The following IGSF21 variants were observed in gnomAD, a reference collection of about 807,000 sequenced individuals.
IGSF21 encodes immunoglobulin superfamily member 21.
A neutral mutation model predicts 46.8 loss-of-function variants in IGSF21; 28 were observed. The ratio of observed to expected loss-of-function variants is 0.60; its 90% CI spans 0.44 to 0.82. The LOEUF is 0.82. Among genes scored for constraint, IGSF21 ranks in the 40% least tolerant of loss-of-function variants. The pLI is 0.00. For missense variants in IGSF21, 624 were observed against 665.5 expected, an observed-to-expected ratio of 0.94 and a Z score of 0.69; for synonymous variants, 284 against 273.6, an observed-to-expected ratio of 1.04 and a Z score of -0.38.
chr1:18,199,837 C>A (rs1440255691), intron 1 of IGSF21, among the ~76,000 whole-genome samples: 1 of 152,218 alleles, frequency 6.6e-6, no homozygotes, highest in Non-Finnish European at 1.5e-5. Flanking sequence ...CCCCTCCCCG[C>A]TTCGTCAGAT....
chr1:18,240,349 T>C (rs1228563240), intron 2 of IGSF21, among the ~76,000 whole-genome samples: 1 of 152,204 alleles, frequency 6.6e-6, no homozygotes, highest in African/African-American at 2.4e-5. Flanking sequence ...GTGGAGCTTG[T>C]AGTTAAGCGG....
At chr1:18,255,828 C>T (rs1296522508) in intron 2 of IGSF21, among the ~76,000 whole-genome samples, 3 of 152,118 alleles carry the variant, frequency 2.0e-5, no homozygotes, top group Admixed American at 2.0e-4. Context: ...TTCTAGTCCA[C>T]CATCATCTTA....
At chr1:18,269,694 C>A (rs16861777) in intron 2 of IGSF21, among the ~76,000 whole-genome samples, 30,088 of 152,068 alleles carry the variant, frequency 0.2, 3,136 homozygotes, top group African/African-American at 0.22. Flanking sequence ...CTAGATACCC[C>A]CAGTCTGAAG....
intron 2 of IGSF21, among the ~76,000 whole-genome samples, chr1:18,288,979 C>G (rs1291502313): frequency 6.6e-6 from 1 of 152,220 alleles, no homozygotes; most frequent in East Asian, 1.9e-4. Flanking sequence ...TCCCCTGTCC[C>G]TCAGCCTGAA....
At chr1:18,369,870 G>T (rs2086207430) in intron 6 of IGSF21, among the ~76,000 whole-genome samples, 1 of 152,174 alleles carries the variant, frequency 6.6e-6, no homozygotes, top group Admixed American at 6.5e-5. Context: ...TGTCTCACCA[G>T]ATTTGTACCT....
intron 1 of IGSF21, among the ~76,000 whole-genome samples, chr1:18,155,260 G>T (rs1311601136): frequency 6.6e-6 from 1 of 152,136 alleles, no homozygotes; most frequent in Non-Finnish European, 1.5e-5. Context: ...AGCACGGGAT[G>T]GGACATAGAG....
rs546537351 is a variant in IGSF21, at chr1:18,364,230, A to G, written c.541-993A>G. ...ATCAGAACTTTAAAGTAATTCTTTG[A>G]TATAAATTACAAACCTGCATTTAAA... On this transcript the variant is annotated intron_variant, in intron 5 of 9. Coordinates refer to ENST00000251296, the MANE Select transcript of IGSF21 (RefSeq NM_032880.5). Among the ~76,000 whole-genome samples the G allele has an allele frequency of 3.3e-5, 5 of 152,294 alleles. No homozygotes were observed. In the South Asian group the frequency reaches 1.0e-3, roughly 32 times the overall value.
chr1:18,167,076 C>T (rs1557567263), intron 1 of IGSF21: 1 of 152,892 alleles, frequency 6.5e-6, no homozygotes, highest in African/African-American at 2.4e-5. Context: ...TGTGAGGCCA[C>T]AAGTGCTTGC....
At chr1:18,142,609 G>A (rs115535555) in intron 1 of IGSF21, among the ~76,000 whole-genome samples, 162 of 152,308 alleles carry the variant, frequency 1.1e-3, no homozygotes, top group African/African-American at 3.6e-3. Flanking sequence ...AGCTGAGAAG[G>A]AGCCGGGCTC....
chr1:18,375,667 G>C (rs1423292631), intron 6 of IGSF21, among the ~76,000 whole-genome samples: 1 of 152,172 alleles, frequency 6.6e-6, no homozygotes, highest in Non-Finnish European at 1.5e-5. Flanking sequence ...AGAGGTTCTA[G>C]AAAAATCCCA....
At chr1:18,372,630 AT>A (rs1247785643) in intron 6 of IGSF21, among the ~76,000 whole-genome samples, 1 of 149,706 alleles carries the variant, frequency 6.7e-6, no homozygotes, top group African/African-American at 2.5e-5. Context: ...GGATGGATGG[AT>A]AGATGGATGG....
intron 3 of IGSF21, among the ~76,000 whole-genome samples, chr1:18,294,297 A>G (rs2085292995): frequency 6.6e-6 from 1 of 152,164 alleles, no homozygotes. Flanking sequence ...TAAGTGGTAC[A>G]TGTTTGCTGC....
chr1:18,327,027 G>A (rs2085664407), intron 3 of IGSF21, among the ~76,000 whole-genome samples: 1 of 152,150 alleles, frequency 6.6e-6, no homozygotes. Context: ...TCTGGGCGAA[G>A]ATTAAAAGAA....
At chr1:18,257,572 T>G (rs1221918720) in intron 2 of IGSF21, among the ~76,000 whole-genome samples, 1 of 152,116 alleles carries the variant, frequency 6.6e-6, no homozygotes, top group Non-Finnish European at 1.5e-5. Context: ...GATTAGAGTT[T>G]CTAGGATTCC....
chr1:18,340,317 C>T (rs967247619), intron 4 of IGSF21, among the ~76,000 whole-genome samples: 7 of 152,038 alleles, frequency 4.6e-5, no homozygotes, highest in African/African-American at 1.4e-4. Flanking sequence ...AATGGGATGT[C>T]AGTGGGTGGT....
chr1:18,242,015 G>A (rs2084734322), intron 2 of IGSF21, among the ~76,000 whole-genome samples: 1 of 152,190 alleles, frequency 6.6e-6, no homozygotes, highest in Non-Finnish European at 1.5e-5. Flanking sequence ...TGGCCTGGGG[G>A]CAGAGGAGCT....
intron 2 of IGSF21, among the ~76,000 whole-genome samples, chr1:18,273,438 C>T (rs112289917): frequency 6.0e-5 from 6 of 99,610 alleles, no homozygotes; most frequent in African/African-American, 9.0e-5. Context: ...TCCTTTCTTT[C>T]TTTCTCACTT....
intron 1 of IGSF21, among the ~76,000 whole-genome samples, chr1:18,202,146 T>C (rs1200669428): frequency 3.3e-5 from 5 of 152,326 alleles, no homozygotes; most frequent in East Asian, 1.9e-4. Flanking sequence ...ATTTTTATCA[T>C]GTACTTTCCT....
chr1:18,329,290 T>C (rs756743238), intron 3 of IGSF21, among the ~76,000 whole-genome samples: 16 of 152,162 alleles, frequency 1.1e-4, no homozygotes, highest in Non-Finnish European at 2.2e-4. Flanking sequence ...TTTATACATA[T>C]TGGCACCTCC....
Sources: gnomAD v4.1 joint callset for allele counts (sites outside exome capture counted in the v4.1 genomes callset) on GRCh38, gnomAD v4.1.1 for gene constraint, MANE v1.5 for transcripts, NCBI Gene and HGNC (gene_info 2026-07-23, HGNC 2026-07-21) for gene names.